The following GALNT13 variants were observed in gnomAD, a reference collection of about 807,000 sequenced individuals.
GALNT13 encodes polypeptide N-acetylgalactosaminyltransferase 13.
GALNT13 carries 28 observed loss-of-function variants against 64.2 expected under a neutral mutation model. That is an observed-to-expected ratio of 0.44 (90% CI 0.32 to 0.60). The LOEUF is 0.60. Ranked by LOEUF, GALNT13 falls within the 20% of genes least tolerant of loss-of-function variation. The pLI is 0.05. For missense variants in GALNT13, 577 were observed against 669.8 expected (o/e 0.86, Z 1.53); for synonymous variants, 214 against 224.6 (o/e 0.95, Z 0.42).
chr2:154,455,444 C>T (rs982229861), downstream of GALNT13, among the ~76,000 whole-genome samples: 4 of 152,184 alleles, frequency 2.6e-5, no homozygotes, highest in African/African-American at 9.7e-5. Flanking sequence ...TGTCATCCTG[C>T]ATGGCTGATA....
At chr2:153,482,806 T>G in the GALNT13 span, among the ~76,000 whole-genome samples, 4 of 152,042 alleles carry the variant, frequency 2.6e-5, no homozygotes, top group African/African-American at 9.7e-5. Context: ...GTACCTCATT[T>G]ACTTATCTGT....
the GALNT13 span, among the ~76,000 whole-genome samples, chr2:153,138,006 C>G: frequency 6.6e-6 from 1 of 152,074 alleles, no homozygotes. Flanking sequence ...TTAAGAGACC[C>G]TCACACAGTG....
the GALNT13 span, among the ~76,000 whole-genome samples, chr2:153,767,301 G>A: frequency 1.3e-5 from 2 of 151,956 alleles, no homozygotes; most frequent in East Asian, 3.9e-4. Flanking sequence ...TTTATGGCTG[G>A]GTAGTATTCC....
the GALNT13 span, among the ~76,000 whole-genome samples, chr2:153,283,676 C>T: frequency 3.2e-4 from 49 of 151,612 alleles, no homozygotes; most frequent in Non-Finnish European, 5.3e-4. Context: ...AGATGTTCCA[C>T]ATGCCTGGAG....
At chr2:154,315,733 T>C (rs1253627436) in intron 9 of GALNT13, among the ~76,000 whole-genome samples, 1 of 152,150 alleles carries the variant, frequency 6.6e-6, no homozygotes, top group African/African-American at 2.4e-5. Context: ...TTAACTGGAG[T>C]TTCAAAATAA....
intron 3 of GALNT13, among the ~76,000 whole-genome samples, chr2:154,010,769 A>G (rs1197850109): frequency 6.6e-6 from 1 of 151,910 alleles, no homozygotes; most frequent in Non-Finnish European, 1.5e-5. Context: ...TTTGATATTT[A>G]TTATTGATCT....
At chr2:153,387,789 G>C in the GALNT13 span, among the ~76,000 whole-genome samples, 27 of 152,142 alleles carry the variant, frequency 1.8e-4, no homozygotes, top group African/African-American at 6.5e-4. Flanking sequence ...TTTTGGAAGT[G>C]AGATGGTGTA....
In GALNT13 at chr2:154,424,314, A is replaced by G. The variant is rs1432069620; in HGVS notation, c.1396-14278A>G. ...TTCAAACACTGGCTCTCCCACTTGC[A>G]AACGGAGTGACTTTGTAGAACTTCT... On this transcript the variant is annotated intron_variant, in intron 11 of 12. Coordinates refer to ENST00000392825, the MANE Select transcript of GALNT13 (RefSeq NM_052917.4). Among the ~76,000 whole-genome samples the G allele has an allele frequency of 2.0e-5, 3 of 152,208 alleles. No individual in the cohort carries two copies. In the East Asian group the frequency reaches 5.8e-4, roughly 29 times the overall value.
chr2:154,278,910 A>G (rs767333402), intron 8 of GALNT13, among the ~76,000 whole-genome samples: 1 of 152,120 alleles, frequency 6.6e-6, no homozygotes, highest in African/African-American at 2.4e-5. Flanking sequence ...ATTTTCTATC[A>G]TTTCATTTTA....
intron 9 of GALNT13, among the ~76,000 whole-genome samples, chr2:154,376,309 CAT>C (rs1191518587): frequency 2.0e-5 from 3 of 152,108 alleles, no homozygotes; most frequent in Non-Finnish European, 4.4e-5. Flanking sequence ...TTTAATGACA[CAT>C]ATTTTTGCTA....
the GALNT13 span, among the ~76,000 whole-genome samples, chr2:153,739,126 T>C: frequency 6.6e-6 from 1 of 151,908 alleles, no homozygotes; most frequent in African/African-American, 2.4e-5. Flanking sequence ...GACTCTAATG[T>C]GTTTATAACT....
At chr2:153,999,617 T>C (rs1168662414) in intron 3 of GALNT13, among the ~76,000 whole-genome samples, 9 of 152,070 alleles carry the variant, frequency 5.9e-5, no homozygotes, top group Non-Finnish European at 1.3e-4. Flanking sequence ...ATTTATAAAG[T>C]TTATTTCTTT....
chr2:153,247,212 A>G, the GALNT13 span, among the ~76,000 whole-genome samples: 1 of 152,184 alleles, frequency 6.6e-6, no homozygotes, highest in Non-Finnish European at 1.5e-5. Context: ...CCCACTGACA[A>G]TATTAGGAAG....
the GALNT13 span, among the ~76,000 whole-genome samples, chr2:153,736,798 T>C: frequency 2.6e-5 from 4 of 152,162 alleles, no homozygotes; most frequent in Non-Finnish European, 4.4e-5. Context: ...TCAGTCTATT[T>C]TCATTTTCTT....
chr2:153,823,287 T>C, the GALNT13 span, among the ~76,000 whole-genome samples: 1 of 152,168 alleles, frequency 6.6e-6, no homozygotes, highest in African/African-American at 2.4e-5. Context: ...AAAATTCATA[T>C]GGAACTCAAA....
chr2:153,386,118 C>T, the GALNT13 span, among the ~76,000 whole-genome samples: 1 of 151,972 alleles, frequency 6.6e-6, no homozygotes, highest in Non-Finnish European at 1.5e-5. Context: ...TCATGTTCCA[C>T]ATATGCAAGA....
the GALNT13 span, among the ~76,000 whole-genome samples, chr2:153,605,572 C>T: frequency 6.6e-6 from 1 of 151,964 alleles, no homozygotes; most frequent in Non-Finnish European, 1.5e-5. Flanking sequence ...ACAGTCAATT[C>T]CTCTGGAGCT....
At chr2:153,331,047 G>A in the GALNT13 span, among the ~76,000 whole-genome samples, 4 of 152,082 alleles carry the variant, frequency 2.6e-5, no homozygotes, top group African/African-American at 4.8e-5. Flanking sequence ...TATGGCTTTG[G>A]TTTTTAACTC....
intron 3 of GALNT13, among the ~76,000 whole-genome samples, chr2:153,984,955 C>T (rs1437519033): frequency 6.6e-6 from 1 of 151,754 alleles, no homozygotes; most frequent in Non-Finnish European, 1.5e-5. Flanking sequence ...CATAATTTTT[C>T]GAATGACTAG....
Sources: allele counts gnomAD v4.1 joint callset (sites outside exome capture counted in the v4.1 genomes callset), GRCh38; gene constraint gnomAD v4.1.1; transcripts MANE v1.5; gene names NCBI Gene and HGNC (gene_info 2026-07-23, HGNC 2026-07-21).